COL4A2: variants seen among roughly 807,000 people sequenced by gnomAD.
The protein encoded by COL4A2 is collagen alpha-2(IV) chain.
A neutral mutation model predicts 200.2 loss-of-function variants in COL4A2; 99 were observed. The ratio of observed to expected loss-of-function variants is 0.49; its 90% CI spans 0.42 to 0.58. COL4A2 has a LOEUF of 0.58. COL4A2 is among the 20% of genes least tolerant of loss of function. COL4A2 has a pLI of 0.00. For synonymous variants in COL4A2, 897 were observed against 900.6 expected, an observed-to-expected ratio of 1.00 and a Z score of 0.07; for missense variants, 1,950 against 2,314.1, an observed-to-expected ratio of 0.84 and a Z score of 3.23.
intron 3 of COL4A2, among the ~76,000 whole-genome samples, chr13:110,349,364 T>C (rs562023535): frequency 1.6e-3 from 240 of 152,324 alleles, no homozygotes; most frequent in African/African-American, 5.4e-3. Flanking sequence ...ACTCTCCCTC[T>C]GCCTGGTGGC....
At chr13:110,343,276 T>G (rs1484471084) in intron 3 of COL4A2, among the ~76,000 whole-genome samples, 1 of 152,174 alleles carries the variant, frequency 6.6e-6, no homozygotes, top group Non-Finnish European at 1.5e-5. Context: ...GAGTGCTGCC[T>G]GCGCCTGTCC....
chr13:110,476,123 C>A (rs569390092), intron 29 of COL4A2, among the ~76,000 whole-genome samples: 9 of 152,170 alleles, frequency 5.9e-5, no homozygotes, highest in Non-Finnish European at 1.3e-4. Context: ...CAAGTTCCCC[C>A]ACAGTCCATG....
chr13:110,352,531 A>G (rs1270093051), intron 3 of COL4A2, among the ~76,000 whole-genome samples: 4 of 152,242 alleles, frequency 2.6e-5, no homozygotes, highest in African/African-American at 9.6e-5. Flanking sequence ...CTCAGAGGAA[A>G]TTCACATCAG....
chr13:110,327,303 C>T (rs1885444080), intron 3 of COL4A2, among the ~76,000 whole-genome samples: 1 of 152,168 alleles, frequency 6.6e-6, no homozygotes, highest in Non-Finnish European at 1.5e-5. Flanking sequence ...CCTGCCCTTC[C>T]CGGGGGGTCC....
At chr13:110,351,362 C>T (rs1327378326) in intron 3 of COL4A2, among the ~76,000 whole-genome samples, 2 of 152,056 alleles carry the variant, frequency 1.3e-5, no homozygotes, top group African/African-American at 4.8e-5. Flanking sequence ...GGCATGAGCC[C>T]CCGCACCCAG....
intron 11 of COL4A2, 98 bp downstream of exon 11, chr13:110,432,458 T>C: frequency 7.2e-7 from 1 of 1,387,822 alleles, no homozygotes; most frequent in Non-Finnish European, 9.6e-7. Flanking sequence ...TTGGCAACTA[T>C]TTATTGTTTA....
intron 3 of COL4A2, among the ~76,000 whole-genome samples, chr13:110,344,203 C>G (rs1324628978): frequency 6.6e-6 from 1 of 152,162 alleles, no homozygotes; most frequent in African/African-American, 2.4e-5. Context: ...TGAAAACTCA[C>G]TTCTAACTAT....
rs111497352 is a variant in COL4A2 at position 110,394,109 on chromosome 13, A to G, written c.181-30625A>G. ...TGGAACCACCTGTGCTTGACTTTGT[A>G]AAAAATTTTTCTCACAGGTCTTTAG... On this transcript the variant is annotated intron_variant, in intron 4 of 47. Coordinates refer to ENST00000360467, the MANE Select transcript of COL4A2 (RefSeq NM_001846.4). Among the ~76,000 whole-genome samples the G allele has an allele frequency of 2.5e-3, 384 of 152,278 alleles. 2 individuals carry two copies. Among genetic ancestry groups the G allele is most frequent in the African/African-American group, 8.8e-3 (364 of 41,560 alleles).
intron 38 of COL4A2, 82 bp downstream of exon 38, chr13:110,492,259 C>A: frequency 1.6e-6 from 2 of 1,223,688 alleles, no homozygotes; most frequent in Non-Finnish European, 2.3e-6. Context: ...GCCAGCCTCT[C>A]TCAGGGCGAC....
At chr13:110,500,741 A>T (rs1883609057) in intron 40 of COL4A2, among the ~76,000 whole-genome samples, 1 of 152,220 alleles carries the variant, frequency 6.6e-6, no homozygotes, top group Non-Finnish European at 1.5e-5. Flanking sequence ...TCAGTATATA[A>T]GCTGGTTTTC....
intron 11 of COL4A2, among the ~76,000 whole-genome samples, chr13:110,432,636 T>G (rs896383687): frequency 2.0e-5 from 3 of 152,224 alleles, no homozygotes; most frequent in African/African-American, 7.2e-5. Context: ...TGAGGAACAT[T>G]TGATTGAAAC....
At chr13:110,475,534 G>A (rs1435328394) in intron 29 of COL4A2, among the ~76,000 whole-genome samples, 1 of 152,176 alleles carries the variant, frequency 6.6e-6, no homozygotes, top group Non-Finnish European at 1.5e-5. Flanking sequence ...GCTTACTTTC[G>A]ATGTCTTATT....
intron 4 of COL4A2, among the ~76,000 whole-genome samples, chr13:110,419,887 A>G (rs1312569044): frequency 6.6e-6 from 1 of 152,242 alleles, no homozygotes; most frequent in Non-Finnish European, 1.5e-5. Context: ...GTTCCTCTGC[A>G]TGACCCAGTA....
At chr13:110,444,203 G>A (rs1881238940) in intron 16 of COL4A2, among the ~76,000 whole-genome samples, 1 of 152,184 alleles carries the variant, frequency 6.6e-6, no homozygotes, top group Admixed American at 6.5e-5. Flanking sequence ...TGCTGTCTTG[G>A]ACCCTTCAGC....
At position 110,438,433 on chromosome 13, in the gene COL4A2, C is replaced by T. The variant is rs749806029; in HGVS notation, c.862-185C>T. On this transcript the variant is annotated intron_variant, in intron 14 of 47. Coordinates refer to ENST00000360467, the MANE Select transcript of COL4A2 (RefSeq NM_001846.4). ...ATGCAGTCCTGGATGGGTGACAGCC[C>T]GGGAAGGCTGGCGGGTCTCCTAGGA... The T allele has an allele frequency of 6.2e-4, 493 of 790,752 alleles. 1 individual carries two copies. Among genetic ancestry groups the T allele is most frequent in the Non-Finnish European group, 9.5e-4 (432 of 456,070 alleles). The allele number at this position is 790,752 out of a possible 1,614,324, so 49.0% of individuals were successfully genotyped here.
In COL4A2 at chr13:110,442,932, C is replaced by T. The variant is rs78341660; in HGVS notation, c.958-2897C>T. Among the ~76,000 whole-genome samples, 1,068 of 148,600 alleles carry T rather than the reference C, an allele frequency of 7.2e-3. 8 individuals are homozygous for T. The highest frequency in any genetic ancestry group is 0.022 in the African/African-American group (913 of 40,730). Reference sequence around the variant, plus strand: ...GAGGAATACATGCCACACCAACACGCGTCGTGTTGTGGGAAGTCCCCCCTC... The same window carrying T: ...GAGGAATACATGCCACACCAACACGTGTCGTGTTGTGGGAAGTCCCCCCTC... On this transcript the variant is annotated intron_variant, in intron 16 of 47. Coordinates refer to ENST00000360467, the MANE Select transcript of COL4A2 (RefSeq NM_001846.4).
At position 110,424,865 on chromosome 13, in the gene COL4A2, C is replaced by T. The variant is rs1426655166; in HGVS notation, c.312C>T (p.Asp104=). 6.2e-7 allele frequency: 1 copy of T among 1,614,144 alleles called. No homozygotes were observed. Among genetic ancestry groups the T allele is most frequent in the East Asian group, 2.2e-5 (1 of 44,870 alleles). The change falls in exon 5 of 48, where the codon GAC becomes GAT. Residue 104 remains aspartate (D), a synonymous_variant. Transcript: ENST00000360467. ...CCGGAGTAACGGGACCCAAGGGCGA[C>T]GTGGTACGCACCGCTGGTGTATTCC... ...GAPGVTGPKG[D]VGARGVSGFP...
chr13:110,482,290 GCCAA>G (rs1882961732), intron 31 of COL4A2, among the ~76,000 whole-genome samples: 1 of 152,192 alleles, frequency 6.6e-6, no homozygotes. Flanking sequence ...TTTCCTTGTT[GCCAA>G]TGTCCGGTCT....
intron 4 of COL4A2, among the ~76,000 whole-genome samples, chr13:110,399,416 T>C (rs1329575606): frequency 6.6e-6 from 1 of 152,226 alleles, no homozygotes; most frequent in East Asian, 1.9e-4. Context: ...CCGTATTGAC[T>C]TGGTCTGAGA....
Sources: allele counts gnomAD v4.1 joint callset (sites outside exome capture counted in the v4.1 genomes callset), GRCh38; gene constraint gnomAD v4.1.1; transcripts MANE v1.5; gene names NCBI Gene and HGNC (gene_info 2026-07-23, HGNC 2026-07-21).